The following THAP9 variants were observed in gnomAD, a reference collection of about 807,000 sequenced individuals.
The protein encoded by THAP9 is DNA transposase THAP9.
THAP9 carries 20 observed loss-of-function variants against 35.7 expected under a neutral mutation model. The ratio of observed to expected loss-of-function variants is 0.56; its 90% CI spans 0.39 to 0.81. The LOEUF (loss-of-function observed/expected upper bound fraction) is 0.81. Ranked by LOEUF, THAP9 falls within the 40% of genes least tolerant of loss-of-function variation. The probability of loss-of-function intolerance (pLI) is 0.00; values close to 1 mark genes in which losing one functional copy is unlikely to be tolerated. For missense variants in THAP9, 870 were observed against 1,047.4 expected (o/e 0.83, Z 2.34); for synonymous variants, 335 against 373.7 (o/e 0.90, Z 1.19).
At chr4:82,900,976 T>C in intron 1 of THAP9, 94 bp downstream of exon 1, 2 of 1,438,606 alleles carry the variant, frequency 1.4e-6, no homozygotes, top group Non-Finnish European at 1.9e-6. Flanking sequence ...GCACTGTGGG[T>C]CGCGCCGCGT....
At chr4:82,906,300 T>G in intron 2 of THAP9, 24 bp from the exon 3 acceptor site, 1 of 1,515,612 alleles carries the variant, frequency 6.6e-7, no homozygotes, top group Non-Finnish European at 8.9e-7. Context: ...CTAAAATAAC[T>G]TTAATTTTAT....
chr4:82,907,751 T>A (rs754146317), intron 3 of THAP9, 34 bp from the exon 4 acceptor site: 1 of 1,507,668 alleles, frequency 6.6e-7, no homozygotes, highest in Admixed American at 2.1e-5. Context: ...ATTTTACTAT[T>A]CATCACAAAG....
At chr4:82,903,216 C>T (rs566672195) in intron 1 of THAP9, among the ~76,000 whole-genome samples, 29 of 152,290 alleles carry the variant, frequency 1.9e-4, no homozygotes, top group African/African-American at 6.7e-4. Flanking sequence ...GTGTTAATTT[C>T]ACAAGTTTCT....
chr4:82,915,741 GTCC>G (rs1158063364), intron 4 of THAP9, among the ~76,000 whole-genome samples: 5 of 152,148 alleles, frequency 3.3e-5, no homozygotes, highest in African/African-American at 1.2e-4. Flanking sequence ...GTATATACAA[GTCC>G]TGTAGACAGT....
chr4:82,900,840 G>C lies in THAP9; in HGVS notation c.38G>C (p.Arg13Pro). The C allele has an allele frequency of 6.2e-7, 1 of 1,613,568 alleles. No individual in the cohort carries two copies. Among genetic ancestry groups the C allele is most frequent in the Non-Finnish European group, 8.5e-7 (1 of 1,180,038 alleles). ...RSCSAVGCST[R>P]DTVLSRERGL... ...TGCTCCGCAGTGGGCTGCAGCACCCGTGACACCGTGCTCAGCCGGGAGCGC... is the reference window on the plus strand; with the variant it reads ...TGCTCCGCAGTGGGCTGCAGCACCCCTGACACCGTGCTCAGCCGGGAGCGC... The change falls in exon 1 of 5, where the codon CGT becomes CCT. Residue 13 changes from arginine (R) to proline (P), a missense_variant. Transcript: ENST00000302236.
intron 1 of THAP9, 51 bp downstream of exon 1, chr4:82,900,933 G>C (rs779332899): frequency 6.2e-7 from 1 of 1,604,546 alleles, no homozygotes; most frequent in Non-Finnish European, 8.5e-7. Flanking sequence ...GGGGCCCGGC[G>C]GGCCGTGGCG....
chr4:82,919,736 C>T lies in THAP9; in HGVS notation c.*812C>T, dbSNP rs986765371. 1 of 152,182 alleles carries T rather than the reference C, an allele frequency of 6.6e-6. No homozygotes were observed. The highest frequency in any genetic ancestry group is 1.5e-5 in the Non-Finnish European group (1 of 68,042). 9.4% of individuals were successfully genotyped at this position (152,182 alleles called of 1,614,324 possible). On this transcript the variant is annotated 3_prime_UTR_variant, in exon 5 of 5. Transcript: ENST00000302236. ...TAAGGACAATTTTCTCCACTCACAT[C>T]CACATTTGAAAAGAGGGACAGAAAA...
chr4:82,905,779 C>G, intron 2 of THAP9: 1 of 436,360 alleles, frequency 2.3e-6, no homozygotes, highest in African/African-American at 2.0e-5. Context: ...CTACAATGGT[C>G]CAGGCATTGT....
chr4:82,913,891 T>C (rs11099558), intron 4 of THAP9, among the ~76,000 whole-genome samples: 148,419 of 151,480 alleles, frequency 0.98, 72,789 homozygotes, highest in East Asian at 1. Context: ...CACACACCAC[T>C]GAGCCTGGCT....
chr4:82,906,309 A>G lies in THAP9; in HGVS notation c.277-15A>G. On this transcript the variant is annotated splice_polypyrimidine_tract_variant and intron_variant, in intron 2 of 4. Coordinates refer to ENST00000302236, the MANE Select transcript of THAP9 (RefSeq NM_024672.6). Reference sequence around the variant, plus strand: ...TTATTTCTAAAATAACTTTAATTTTATATATCTGTCATAGATTCCTCAAGG... The same window carrying G: ...TTATTTCTAAAATAACTTTAATTTTGTATATCTGTCATAGATTCCTCAAGG... 2 of 1,532,744 alleles carry G rather than the reference A, an allele frequency of 1.3e-6. No homozygotes were observed. The highest frequency in any genetic ancestry group is 1.8e-6 in the Non-Finnish European group (2 of 1,139,658). The allele number at this position is 1,532,744 out of a possible 1,614,324, so 94.9% of individuals were successfully genotyped here.
At chr4:82,902,508 C>CA (rs1291426606) in intron 1 of THAP9, among the ~76,000 whole-genome samples, 1 of 152,200 alleles carries the variant, frequency 6.6e-6, no homozygotes, top group Non-Finnish European at 1.5e-5. Flanking sequence ...CAGCTGTACT[C>CA]ACTAGGCATA....
At chr4:82,911,816 C>A (rs1221882570) in intron 4 of THAP9, among the ~76,000 whole-genome samples, 1 of 152,164 alleles carries the variant, frequency 6.6e-6, no homozygotes, top group Non-Finnish European at 1.5e-5. Context: ...GAAAATGTGA[C>A]CAGTCACCTA....
At chr4:82,915,847 G>GA (rs1313227713) in intron 4 of THAP9, among the ~76,000 whole-genome samples, 4 of 151,584 alleles carry the variant, frequency 2.6e-5, no homozygotes, top group East Asian at 1.9e-4. Context: ...GCATTTGGTT[G>GA]AAAAAAAAGT....
chr4:82,901,490 CACAG>C (rs757551243), intron 1 of THAP9, among the ~76,000 whole-genome samples: 1 of 151,956 alleles, frequency 6.6e-6, no homozygotes, highest in Non-Finnish European at 1.5e-5. Context: ...AATAGATCCT[CACAG>C]ACAAAAGGAG....
In THAP9 at chr4:82,919,491, A is replaced by G. The variant is rs1470020742; in HGVS notation, c.*567A>G. On this transcript the variant is annotated 3_prime_UTR_variant, in exon 5 of 5. Coordinates refer to ENST00000302236, the MANE Select transcript of THAP9 (RefSeq NM_024672.6). ...TAGAAGTGCTTAAACTTTGTCAGGC[A>G]GAAGGTAAAGTACATGAGCCATGAG... 1.3e-5 allele frequency: 2 copies of G among 152,506 alleles called. No homozygotes were observed. Among genetic ancestry groups the G allele is most frequent in the Non-Finnish European group, 2.9e-5 (2 of 68,276 alleles). The allele number at this position is 152,506 out of a possible 1,614,324, so 9.4% of individuals were successfully genotyped here.
chr4:82,915,406 G>A (rs1012564644), intron 4 of THAP9, among the ~76,000 whole-genome samples: 34 of 152,058 alleles, frequency 2.2e-4, no homozygotes, highest in Non-Finnish European at 2.4e-4. Flanking sequence ...ACAGGTGCGC[G>A]CCACCATGCC....
Position 82,900,859 on chromosome 4 carries a change from G to C in THAP9, c.57G>C (p.Arg19=). The C allele has an allele frequency of 6.2e-7, 1 of 1,613,526 alleles. No homozygotes were observed. Among genetic ancestry groups the C allele is most frequent in the East Asian group, 2.2e-5 (1 of 44,884 alleles). Residue 19 remains arginine (R), a synonymous_variant, in exon 1 of 5, where the codon CGG becomes CGC. Coordinates refer to ENST00000302236, the MANE Select transcript of THAP9 (RefSeq NM_024672.6). ...GCACCCGTGACACCGTGCTCAGCCGGGAGCGCGGCCTCTCCTTCCACCAGT... is the reference window on the plus strand; with the variant it reads ...GCACCCGTGACACCGTGCTCAGCCGCGAGCGCGGCCTCTCCTTCCACCAGT... ...GCSTRDTVLS[R]ERGLSFHQFP...
intron 4 of THAP9, among the ~76,000 whole-genome samples, chr4:82,908,788 A>AT (rs1338215959): frequency 1.2e-4 from 18 of 151,642 alleles, no homozygotes; most frequent in African/African-American, 4.4e-4. Context: ...TAGAGACGGG[A>AT]TTTTGCTTTG....
chr4:82,902,073 G>C (rs1720426340), intron 1 of THAP9, among the ~76,000 whole-genome samples: 1 of 144,218 alleles, frequency 6.9e-6, no homozygotes, highest in Non-Finnish European at 1.5e-5. Flanking sequence ...AGTTATGCTA[G>C]TTAGATTACA....
Sources: allele counts gnomAD v4.1 joint callset (sites outside exome capture counted in the v4.1 genomes callset), GRCh38; gene constraint gnomAD v4.1.1; transcripts MANE v1.5; gene names NCBI Gene and HGNC (gene_info 2026-07-23, HGNC 2026-07-21).